The following FTO variants were observed in gnomAD, a reference collection of about 807,000 sequenced individuals.
The protein encoded by FTO is alpha-ketoglutarate-dependent dioxygenase FTO.
FTO carries 47 observed loss-of-function variants against 63.9 expected under a neutral mutation model. The ratio of observed to expected loss-of-function variants is 0.74; its 90% CI spans 0.58 to 0.94. The LOEUF is 0.94. Among genes scored for constraint, FTO ranks in the 40% least tolerant of loss-of-function variants. FTO has a pLI of 0.00. For synonymous variants in FTO, 207 were observed against 224.4 expected, an observed-to-expected ratio of 0.92 and a Z score of 0.69; for missense variants, 562 against 618.1, an observed-to-expected ratio of 0.91 and a Z score of 0.96.
intron 8 of FTO, among the ~76,000 whole-genome samples, chr16:54,050,399 G>C (rs1411298134): frequency 2.0e-5 from 3 of 152,134 alleles, no homozygotes; most frequent in Non-Finnish European, 4.4e-5. Flanking sequence ...AGCAGAGTGG[G>C]TGATAAATAT....
At chr16:53,857,611 G>A (rs2080045191) in intron 4 of FTO, among the ~76,000 whole-genome samples, 1 of 152,008 alleles carries the variant, frequency 6.6e-6, no homozygotes, top group Admixed American at 6.6e-5. Context: ...TCACTGGGGT[G>A]GACCTCTGCT....
intron 8 of FTO, among the ~76,000 whole-genome samples, chr16:54,109,053 G>C (rs180854351): frequency 6.6e-6 from 1 of 152,322 alleles, no homozygotes; most frequent in East Asian, 1.9e-4. Context: ...AATATCATTT[G>C]AGTTGGGGAT....
In FTO at chr16:54,099,608, G is replaced by A. The variant is rs532816417; in HGVS notation, c.1365-12154G>A. Among the ~76,000 whole-genome samples, 189 of 152,204 alleles carry A rather than the reference G, an allele frequency of 1.2e-3. 1 individual carries two copies. Among genetic ancestry groups the A allele is most frequent in the African/African-American group, 3.9e-3 (164 of 41,530 alleles). On this transcript the variant is annotated intron_variant, in intron 8 of 8. Coordinates refer to ENST00000471389, the MANE Select transcript of FTO (RefSeq NM_001080432.3). The stretch of plus-strand genomic sequence containing the variant: ...AAGGTCAGCAGCTCCTAAATGTTCG[G>A]CTGTCAAGATAGCCCATTCATCACT...
chr16:53,962,938 A>G lies in FTO; in HGVS notation c.1364+28829A>G, dbSNP rs556304788. Among the ~76,000 whole-genome samples, 4 of 152,332 alleles carry G rather than the reference A, an allele frequency of 2.6e-5. No homozygotes were observed. The South Asian group carries it at 8.3e-4, about 32-fold the overall frequency. ...TATATGAGATGGGTAGATTATGTATAGAGTATCAAGTTTAGAAGATTTATT... is the reference window on the plus strand; with the variant it reads ...TATATGAGATGGGTAGATTATGTATGGAGTATCAAGTTTAGAAGATTTATT... On this transcript the variant is annotated intron_variant, in intron 8 of 8. Transcript: ENST00000471389.
intron 1 of FTO, among the ~76,000 whole-genome samples, chr16:53,792,954 T>G (rs546908216): frequency 2.6e-5 from 4 of 152,242 alleles, no homozygotes; most frequent in African/African-American, 4.8e-5. Context: ...TCTATTCACT[T>G]ACAAAATTAT....
intron 8 of FTO, among the ~76,000 whole-genome samples, chr16:54,077,777 A>AG (rs2086039238): frequency 6.6e-6 from 1 of 152,164 alleles, no homozygotes; most frequent in Non-Finnish European, 1.5e-5. Context: ...CAGAAGGAAG[A>AG]GGTAGGCAAG....
At chr16:53,900,124 C>T (rs1168639253) in intron 7 of FTO, among the ~76,000 whole-genome samples, 1 of 152,128 alleles carries the variant, frequency 6.6e-6, no homozygotes, top group East Asian at 1.9e-4. Context: ...AGACAGAATT[C>T]GAATGCATAT....
chr16:53,893,671 A>C (rs1210128674), intron 7 of FTO, among the ~76,000 whole-genome samples: 1 of 152,206 alleles, frequency 6.6e-6, no homozygotes, highest in Non-Finnish European at 1.5e-5. Flanking sequence ...CTTAAAAAAA[A>C]AAAAGGTCAA....
In FTO at chr16:53,926,160, G is replaced by A. The variant is rs2082133155; in HGVS notation, c.1240-7825G>A. ...CTCATATTAGGAGGGTATATTTTTAGGCACGTCCATCCAAATGAGTATTGT... is the reference window on the plus strand; with the variant it reads ...CTCATATTAGGAGGGTATATTTTTAAGCACGTCCATCCAAATGAGTATTGT... On this transcript the variant is annotated intron_variant, in intron 7 of 8. Coordinates refer to ENST00000471389, the MANE Select transcript of FTO (RefSeq NM_001080432.3). 2.6e-5 allele frequency among the ~76,000 whole-genome samples: 4 copies of A among 152,222 alleles called. No homozygotes were observed. The South Asian group carries it at 6.2e-4, about 24-fold the overall frequency.
intron 7 of FTO, among the ~76,000 whole-genome samples, chr16:53,919,656 A>C (rs945628789): frequency 3.9e-5 from 6 of 152,202 alleles, no homozygotes; most frequent in African/African-American, 1.4e-4. Flanking sequence ...ATTCAGCCAT[A>C]AAAAGAAACA....
At chr16:53,735,649 T>C (rs1304563412) in intron 1 of FTO, among the ~76,000 whole-genome samples, 1 of 152,244 alleles carries the variant, frequency 6.6e-6, no homozygotes, top group African/African-American at 2.4e-5. Context: ...GAGTGAGTAA[T>C]TCCAGCAGCA....
chr16:54,103,761 CACATT>C (rs2086688192), intron 8 of FTO, among the ~76,000 whole-genome samples: 1 of 152,132 alleles, frequency 6.6e-6, no homozygotes, highest in South Asian at 2.1e-4. Context: ...TCCAAAAAGA[CACATT>C]ACAAATTCAT....
intron 6 of FTO, 27 bp from the exon 7 acceptor site, chr16:53,888,805 C>T: frequency 6.2e-7 from 1 of 1,613,508 alleles, no homozygotes; most frequent in Non-Finnish European, 8.5e-7. Context: ...GGTATTAAAA[C>T]CACCATCTTC....
chr16:54,105,771 CTG>C (rs57782663), intron 8 of FTO, among the ~76,000 whole-genome samples: 5,229 of 137,854 alleles, frequency 0.038, 94 homozygotes, highest in South Asian at 0.062. Flanking sequence ...AAGTTCTAGT[CTG>C]TGTGTGTGTG....
At chr16:53,875,960 A>T (rs1378592585) in intron 5 of FTO, among the ~76,000 whole-genome samples, 4 of 152,244 alleles carry the variant, frequency 2.6e-5, no homozygotes, top group Admixed American at 1.3e-4. Context: ...AAGTGCTGGG[A>T]TTACAGGCGT....
At chr16:54,032,634 A>G (rs1205440385) in intron 8 of FTO, among the ~76,000 whole-genome samples, 1 of 151,740 alleles carries the variant, frequency 6.6e-6, no homozygotes, top group Non-Finnish European at 1.5e-5. Flanking sequence ...TGCCTTGACT[A>G]TCTTCTTGCA....
intron 8 of FTO, among the ~76,000 whole-genome samples, chr16:54,056,573 G>A (rs1166567884): frequency 6.6e-6 from 1 of 152,172 alleles, no homozygotes; most frequent in African/African-American, 2.4e-5. Flanking sequence ...TTTCTGTCTG[G>A]ACTACTCACG....
At chr16:54,096,700 G>A (rs2086523204) in intron 8 of FTO, among the ~76,000 whole-genome samples, 1 of 152,208 alleles carries the variant, frequency 6.6e-6, no homozygotes, top group Admixed American at 6.5e-5. Flanking sequence ...GGACTAGTGA[G>A]TGACCTAAGT....
chr16:53,957,892 G>A (rs751295794), intron 8 of FTO, among the ~76,000 whole-genome samples: 11 of 152,322 alleles, frequency 7.2e-5, no homozygotes, highest in African/African-American at 2.2e-4. Flanking sequence ...CCTGCTAACC[G>A]CTAATGTGGC....
Sources: allele counts gnomAD v4.1 joint callset (sites outside exome capture counted in the v4.1 genomes callset), GRCh38; gene constraint gnomAD v4.1.1; transcripts MANE v1.5; gene names NCBI Gene and HGNC (gene_info 2026-07-23, HGNC 2026-07-21).